Variants in MON1A observed in about 807,000 individuals in gnomAD.
The protein encoded by MON1A is vacuolar fusion protein MON1 homolog A.
Under a neutral mutation model 44.6 loss-of-function variants are expected in MON1A, and 29 were observed. The observed-to-expected ratio is 0.65, with a 90% CI of 0.48 to 0.89. The LOEUF is 0.89. MON1A is among the 40% of genes least tolerant of loss of function. The pLI is 0.00. For missense variants in MON1A, 615 were observed against 759.6 expected (o/e 0.81, Z 2.24); for synonymous variants, 275 against 316.4 (o/e 0.87, Z 1.39).
intron 1 of MON1A, chr3:49,916,568 T>G (rs1021823368): frequency 6.6e-6 from 1 of 152,294 alleles, no homozygotes; most frequent in Non-Finnish European, 1.5e-5. Context: ...GCCAACAGCA[T>G]CACCCCACAC....
In MON1A at chr3:49,910,097, T is replaced by G. The variant is rs747994394; in HGVS notation, c.1379+22A>C. 6.4e-7 allele frequency: 1 copy of G among 1,557,808 alleles called. No homozygotes were observed. The highest frequency in any genetic ancestry group is 1.9e-5 in the Admixed American group (1 of 53,698). On this transcript the variant is annotated intron_variant, in intron 4 of 5. Transcript: ENST00000296473. This position sits in a 1 kb window ranked among gnomAD's most constrained non-coding sequence, Gnocchi z 8.0. Reference sequence around the variant, plus strand: ...ACATGTCCCTGTCCCGCTACAGCAGTGCCCTCAAGGCCCTCCCTCACCTGG... The same window carrying G: ...ACATGTCCCTGTCCCGCTACAGCAGGGCCCTCAAGGCCCTCCCTCACCTGG...
rs367862867 is a variant in MON1A at position 49,912,001 on chromosome 3, C to T, written c.138G>A (p.Gln46=). 5 of 1,576,364 alleles carry T rather than the reference C, an allele frequency of 3.2e-6. No individual in the cohort carries two copies. The African/African-American group carries it at 6.8e-5, about 21-fold the overall frequency. ...GGGCATGGACGAACATGGCACCCTC[C>T]TGGCCCGCACCTGCAGGCCAAAAGC... ...MAQGMEPGAG[Q]EGAMFVHARS... Residue 46 remains glutamine, a synonymous_variant, in exon 3 of 6, where the codon CAG becomes CAA. Transcript: ENST00000296473.
chr3:49,924,486 C>G (rs1170780301), intron 1 of MON1A: 2 of 267,486 alleles, frequency 7.5e-6, no homozygotes, highest in African/African-American at 4.6e-5. Context: ...TGAGACCAGC[C>G]TGGACAACAT....
rs1287476290 is a variant in MON1A, at chr3:49,911,934, A to G, written c.205T>C (p.Ser69Pro). The G allele has an allele frequency of 6.2e-7, 1 of 1,613,488 alleles. No individual in the cohort carries two copies. The highest frequency in any genetic ancestry group is 8.5e-7 in the Non-Finnish European group (1 of 1,179,848). Residue 69 changes from serine to proline, a missense_variant, in exon 3 of 6, where the codon TCT becomes CCT. Physicochemically the swap from Ser to Pro is moderately conservative, Grantham distance 74. Transcript: ENST00000296473. This position sits in a 1 kb window ranked among gnomAD's most constrained non-coding sequence, Gnocchi z 5.7. ...GTACCCTCCTTGTGGCTGTCCCCAG[A>G]AGCTGCCCCATCCTCTGACTCAGTC... ...DLTESEDGAA[S>P]GDSHKEGTRG... is the part of the protein sequence containing the mutation.
intron 1 of MON1A, among the ~76,000 whole-genome samples, chr3:49,917,862 C>T (rs1016007762): frequency 1.3e-5 from 2 of 151,684 alleles, no homozygotes; most frequent in African/African-American, 2.4e-5. Context: ...GCCTGACCAA[C>T]ATGAAGAAAC....
intron 1 of MON1A, 93 bp from the exon 2 acceptor site, chr3:49,913,452 AGG>A: frequency 8.2e-7 from 1 of 1,218,728 alleles, no homozygotes. Flanking sequence ...GTCCTTTATC[AGG>A]ACTCCACTAA....
Position 49,910,494 on chromosome 3 carries a change from C to T in MON1A, c.1004G>A (p.Arg335Gln). Reference sequence around the variant, plus strand: ...GATGGGGTGCAGAAATTGGTCCTTTCGGCGCACGAGTGCCACGAGCTGGTT... The same window carrying T: ...GATGGGGTGCAGAAATTGGTCCTTTTGGCGCACGAGTGCCACGAGCTGGTT... ...ARNQLVALVRRKDQFLHPIDL... is the reference protein window; with the variant it reads ...ARNQLVALVRQKDQFLHPIDL... Residue 335 changes from arginine to glutamine, a missense_variant, in exon 4 of 6, where the codon CGA becomes CAA. Physicochemically the swap from Arg to Gln is conservative, Grantham distance 43. Transcript: ENST00000296473. The surrounding 1 kb of genome is among the most constrained non-coding windows in gnomAD (Gnocchi z 8.0). 1.2e-6 allele frequency: 2 copies of T among 1,614,038 alleles called. No individual in the cohort carries two copies. Among genetic ancestry groups the T allele is most frequent in the Non-Finnish European group, 1.7e-6 (2 of 1,179,948 alleles).
chr3:49,910,687 A>G lies in MON1A; in HGVS notation c.811T>C (p.Ser271Pro), dbSNP rs762659350. 1.9e-6 allele frequency: 3 copies of G among 1,611,946 alleles called. No individual in the cohort carries two copies. Among genetic ancestry groups the G allele is most frequent in the African/African-American group, 2.7e-5 (2 of 74,882 alleles). Residue 271 changes from serine to proline, a missense_variant, in exon 4 of 6, where the codon TCA becomes CCA. Ser to Pro is a moderately conservative substitution (Grantham distance 74). Transcript: ENST00000296473. The surrounding 1 kb of genome is among the most constrained non-coding windows in gnomAD (Gnocchi z 8.0). Reference sequence around the variant, plus strand: ...AGCAGGTTGTCGGTGATGCGCTCTGAGCCCGAGAGTAGGCGCCGCAAATCA... The same window carrying G: ...AGCAGGTTGTCGGTGATGCGCTCTGGGCCCGAGAGTAGGCGCCGCAAATCA... ...NYDLRRLLSG[S>P]ERITDNLLQL... is the part of the protein sequence containing the mutation.
intron 1 of MON1A, among the ~76,000 whole-genome samples, chr3:49,914,168 G>A (rs926578981): frequency 1.4e-5 from 2 of 147,394 alleles, no homozygotes; most frequent in Admixed American, 6.9e-5. Context: ...TCGGCTCACC[G>A]CAACCTCCAC....
In MON1A at chr3:49,910,386, T is replaced by C; in HGVS notation, c.1112A>G (p.Lys371Arg). The C allele has an allele frequency of 1.2e-6, 2 of 1,614,162 alleles. No homozygotes were observed. Among genetic ancestry groups the C allele is most frequent in the Non-Finnish European group, 1.7e-6 (2 of 1,180,026 alleles). The change falls in exon 4 of 6, where the codon AAA (lysine) becomes AGA (arginine). Residue 371 changes from lysine to arginine, a missense_variant. Transcript: ENST00000296473. This position sits in a 1 kb window ranked among gnomAD's most constrained non-coding sequence, Gnocchi z 8.0. ...GTGGAAGAAGCCGGCTGCGTTGAATTTGGGCAGGCACACGGGCGTCCAGGC... is the reference window on the plus strand; with the variant it reads ...GTGGAAGAAGCCGGCTGCGTTGAATCTGGGCAGGCACACGGGCGTCCAGGC... ...GEAWTPVCLPKFNAAGFFHAH... is the reference protein window; with the variant it reads ...GEAWTPVCLPRFNAAGFFHAH...
In MON1A at chr3:49,913,266, C is replaced by T; in HGVS notation, c.81G>A (p.Glu27=). 6 of 1,614,224 alleles carry T rather than the reference C, an allele frequency of 3.7e-6. No individual in the cohort carries two copies. In the South Asian group the frequency reaches 5.5e-5, roughly 15 times the overall value. ...TLTPSDGQSM[E]RAESPTPGMA... The stretch of plus-strand genomic sequence containing the variant: ...TTCCTGGTGTGGGGCTCTCAGCTCT[C>T]TCCATACTCTGTCCATCAGAAGGAG... The change falls in exon 2 of 6, where the codon GAG becomes GAA. Residue 27 remains glutamate, a synonymous_variant. Transcript: ENST00000296473.
Position 49,911,692 on chromosome 3 carries a change from C to T in MON1A, c.447G>A (p.Glu149=), listed in dbSNP as rs1031064243. Residue 149 remains glutamate, a synonymous_variant, in exon 3 of 6, where the codon GAG becomes GAA. Transcript: ENST00000296473. This position sits in a 1 kb window ranked among gnomAD's most constrained non-coding sequence, Gnocchi z 5.7. ...TTEGDEEDAT[E]AWRLHQKHVF... The stretch of plus-strand genomic sequence containing the variant: ...CATGCTTCTGGTGCAGGCGCCATGC[C>T]TCCGTGGCATCCTCCTCATCCCCCT... 1.2e-6 allele frequency: 2 copies of T among 1,614,144 alleles called. No homozygotes were observed. The highest frequency in any genetic ancestry group is 3.3e-5 in the Admixed American group (2 of 60,026).
intron 1 of MON1A, 99 bp downstream of exon 1, chr3:49,929,510 G>C: frequency 2.2e-6 from 3 of 1,363,600 alleles, no homozygotes; most frequent in Non-Finnish European, 3.1e-6. Flanking sequence ...CGATAGCGTT[G>C]ATGGCTGGAG....
intron 1 of MON1A, among the ~76,000 whole-genome samples, chr3:49,927,286 T>G (rs1465863562): frequency 3.9e-5 from 6 of 152,322 alleles, no homozygotes; most frequent in Non-Finnish European, 7.4e-5. Flanking sequence ...TGGCCTGGTC[T>G]CAGTTTTCTC....
Position 49,911,581 on chromosome 3 carries a change from C to T in MON1A, c.558G>A (p.Val186=). 2 of 1,613,864 alleles carry T rather than the reference C, an allele frequency of 1.2e-6. No individual in the cohort carries two copies. Among genetic ancestry groups the T allele is most frequent in the Non-Finnish European group, 1.7e-6 (2 of 1,179,832 alleles). The change falls in exon 3 of 6, where the codon GTG becomes GTA. Residue 186 remains valine, a synonymous_variant. Coordinates refer to ENST00000296473, the MANE Select transcript of MON1A (RefSeq NM_032355.4). The surrounding 1 kb of genome is among the most constrained non-coding windows in gnomAD (Gnocchi z 5.7). The stretch of plus-strand genomic sequence containing the variant: ...CTGCCTCCAGGAAGGACACCAGGGC[C>T]ACCATAACACCCATAGTGCTGGAAA... ...EALSSTMGVM[V]ALVSFLEADK...
intron 2 of MON1A, 29 bp downstream of exon 2, chr3:49,913,191 G>A: frequency 6.2e-7 from 1 of 1,614,178 alleles, no homozygotes. Flanking sequence ...CTGGTTGGCA[G>A]CTGGCTGAGG....
rs776718597 is a variant in MON1A at position 49,909,007 on chromosome 3, A to T, written c.*7T>A. On this transcript the variant is annotated 3_prime_UTR_variant, in exon 6 of 6. Coordinates refer to ENST00000296473, the MANE Select transcript of MON1A (RefSeq NM_032355.4). This position sits in a 1 kb window ranked among gnomAD's most constrained non-coding sequence, Gnocchi z 4.0. Reference sequence around the variant, plus strand: ...GTCCAGGAAGGCTGAGCCCGCACACATTCCCATCAATAGGTGAGGGGCGTG... The same window carrying T: ...GTCCAGGAAGGCTGAGCCCGCACACTTTCCCATCAATAGGTGAGGGGCGTG... 1 of 1,609,848 alleles carries T rather than the reference A, an allele frequency of 6.2e-7. No individual in the cohort carries two copies. Among genetic ancestry groups the T allele is most frequent in the African/African-American group, 1.3e-5 (1 of 74,950 alleles).
Position 49,911,907 on chromosome 3 carries a change from T to C in MON1A, c.232A>G (p.Arg78Gly). Residue 78 changes from arginine (R) to glycine (G), a missense_variant, in exon 3 of 6, where the codon AGG becomes GGG. Arg to Gly is a moderately radical substitution (Grantham distance 125, BLOSUM62 -2). Transcript: ENST00000296473. The surrounding 1 kb of genome is among the most constrained non-coding windows in gnomAD (Gnocchi z 5.7). Reference sequence around the variant, plus strand: ...TCTGTAGGCAGCGGCGGGGGACCCCTGGTACCCTCCTTGTGGCTGTCCCCA... The same window carrying C: ...TCTGTAGGCAGCGGCGGGGGACCCCCGGTACCCTCCTTGTGGCTGTCCCCA... Reference protein sequence around the residue: ...ASGDSHKEGTRGPPPLPTDMR... With the variant: ...ASGDSHKEGTGGPPPLPTDMR... The C allele has an allele frequency of 1.2e-6, 2 of 1,613,830 alleles. No individual in the cohort carries two copies. The highest frequency in any genetic ancestry group is 8.5e-7 in the Non-Finnish European group (1 of 1,179,952).
At position 49,911,805 on chromosome 3, in the gene MON1A, TCTC is replaced by T. The variant is rs778081490; in HGVS notation, c.331_333del (p.Glu111del). On this transcript the variant is annotated inframe_deletion, in exon 3 of 6. Transcript: ENST00000296473. This position sits in a 1 kb window ranked among gnomAD's most constrained non-coding sequence, Gnocchi z 5.7. ...CAATCCTCAGAGCTTCCTGGCAGCATCTCCTCCTGCAGGTCCCGGGCCACACCC... is the reference window on the plus strand; with the variant it reads ...CAATCCTCAGAGCTTCCTGGCAGCATCTCCTGCAGGTCCCGGGCCACACCC... 1 of 1,613,826 alleles carries T rather than the reference TCTC, an allele frequency of 6.2e-7. No homozygotes were observed. The highest frequency in any genetic ancestry group is 1.3e-5 in the African/African-American group (1 of 75,018).
Sources: gnomAD v4.1 joint callset for allele counts (sites outside exome capture counted in the v4.1 genomes callset) on GRCh38, gnomAD v4.1.1 for gene constraint, Gnocchi (gnomAD v3.1) non-coding constraint, MANE v1.5 for transcripts, NCBI Gene and HGNC (gene_info 2026-07-23, HGNC 2026-07-21) for gene names.